Variants in WDHD1 observed in about 807,000 individuals in gnomAD.
WDHD1 encodes WD repeat and HMG-box DNA binding protein 1, also known as WD repeat and HMG-box DNA-binding protein 1.
In WDHD1, 111 loss-of-function variants were observed where a neutral mutation model predicts 135.4. The ratio of observed to expected loss-of-function variants is 0.82; its 90% CI spans 0.70 to 0.96. The LOEUF is 0.96. Among genes scored for constraint, WDHD1 ranks in the 40% least tolerant of loss-of-function variants. The pLI is 0.00. For synonymous variants in WDHD1, 434 were observed against 439.0 expected, an observed-to-expected ratio of 0.99 and a Z score of 0.14; for missense variants, 1,351 against 1,336.3, an observed-to-expected ratio of 1.01 and a Z score of -0.17.
chr14:54,986,395 T>C (rs957166569), intron 14 of WDHD1, among the ~76,000 whole-genome samples: 1 of 152,172 alleles, frequency 6.6e-6, no homozygotes, highest in African/African-American at 2.4e-5. Flanking sequence ...ATTGAACTCC[T>C]GGGCTAAAGC....
At chr14:54,979,661 A>T (rs764189794) in intron 16 of WDHD1, among the ~76,000 whole-genome samples, 5 of 152,216 alleles carry the variant, frequency 3.3e-5, no homozygotes, top group African/African-American at 4.8e-5. Context: ...TTTGTTTAAA[A>T]ATTCAATTTA....
At position 54,938,976 on chromosome 14, in the gene WDHD1, G is replaced by C. The variant is rs537160266; in HGVS notation, c.*2514C>G. 9.7e-4 allele frequency: 148 copies of C among 152,052 alleles called. 1 individual carries two copies. The highest frequency in any genetic ancestry group is 3.4e-3 in the African/African-American group (143 of 41,478). The allele number at this position is 152,052 out of a possible 1,614,324, so 9.4% of individuals were successfully genotyped here. On this transcript the variant is annotated 3_prime_UTR_variant, in exon 26 of 26. Transcript: ENST00000360586. ...ATGCAGAAGAAAATCTTTATTCTTAGGGTACATGCTGGGAACTGAGGGATG... is the reference window on the plus strand; with the variant it reads ...ATGCAGAAGAAAATCTTTATTCTTACGGTACATGCTGGGAACTGAGGGATG...
chr14:55,017,720 T>C (rs1594594436), intron 2 of WDHD1, among the ~76,000 whole-genome samples: 2 of 152,360 alleles, frequency 1.3e-5, no homozygotes, highest in African/African-American at 4.8e-5. Flanking sequence ...CAATTCATGA[T>C]TCTATCCAAA....
At chr14:55,006,087 C>G (rs1238758435) in intron 7 of WDHD1, among the ~76,000 whole-genome samples, 2 of 152,100 alleles carry the variant, frequency 1.3e-5, no homozygotes, top group Non-Finnish European at 2.9e-5. Flanking sequence ...TGGTGTCAAA[C>G]TCCTGAGCTC....
At position 54,989,160 on chromosome 14, in the gene WDHD1, G is replaced by A; in HGVS notation, c.1394C>T (p.Ala465Val). The change falls in exon 13 of 26, where the codon GCC becomes GTC. Residue 465 changes from alanine (A) to valine (V), a missense_variant. Around this residue, in one of 2 missense-constraint regions of WDHD1, gnomAD observed 1,330 missense variants for 1,296.1 expected, o/e 1.03. Transcript: ENST00000360586. ...GGTATCATGGAACTCCACATCTATG[G>A]CATTGTCTTGCTCATCATTATAGCA... Reference protein sequence around the residue: ...IRCYNDEQDNAIDVEFHDTSI... With the variant: ...IRCYNDEQDNVIDVEFHDTSI... 1 of 1,613,588 alleles carries A rather than the reference G, an allele frequency of 6.2e-7. No individual in the cohort carries two copies. The highest frequency in any genetic ancestry group is 8.5e-7 in the Non-Finnish European group (1 of 1,179,752).
At chr14:54,957,384 A>C (rs971046744) in intron 22 of WDHD1, among the ~76,000 whole-genome samples, 180 bp from the exon 23 acceptor site, 4 of 152,218 alleles carry the variant, frequency 2.6e-5, no homozygotes, top group Non-Finnish European at 5.9e-5. Flanking sequence ...CACATCCCCA[A>C]GAAAGACAGA....
intron 2 of WDHD1, among the ~76,000 whole-genome samples, chr14:55,016,045 C>CAA (rs943538959): frequency 1.6e-4 from 25 of 152,166 alleles, no homozygotes; most frequent in African/African-American, 6.0e-4. Context: ...AGGAGACGTA[C>CAA]AAAGTTACAG....
In WDHD1 at chr14:54,940,702, G is replaced by T. The variant is rs1156507044; in HGVS notation, c.*788C>A. 6.6e-6 allele frequency: 1 copy of T among 152,114 alleles called. No homozygotes were observed. The highest frequency in any genetic ancestry group is 1.9e-4 in the East Asian group (1 of 5,202). The allele number at this position is 152,114 out of a possible 1,614,324, so 9.4% of individuals were successfully genotyped here. A position where few individuals can be genotyped will look rare whatever the true frequency, so the allele number is the denominator to read the frequency against. ...AGTACTGTTGATGCTGATAATCAGA[G>T]TATCCCACCAAGAGCACATGATGCC... is the stretch of plus-strand genomic sequence containing the variant. On this transcript the variant is annotated 3_prime_UTR_variant, in exon 26 of 26. Coordinates refer to ENST00000360586, the MANE Select transcript of WDHD1 (RefSeq NM_007086.4).
chr14:54,952,787 AT>A (rs1419131572), intron 24 of WDHD1, among the ~76,000 whole-genome samples: 1 of 152,220 alleles, frequency 6.6e-6, no homozygotes, highest in Non-Finnish European at 1.5e-5. Flanking sequence ...ATACAGACCA[AT>A]GGAACAGAAC....
At chr14:54,948,080 G>A (rs2040962900) in intron 24 of WDHD1, among the ~76,000 whole-genome samples, 1 of 151,918 alleles carries the variant, frequency 6.6e-6, no homozygotes, top group South Asian at 2.1e-4. Flanking sequence ...GCGGTTCCAA[G>A]ATGGTCGAAT....
At chr14:54,981,416 A>T in intron 16 of WDHD1, 124 bp downstream of exon 16, 1 of 881,980 alleles carries the variant, frequency 1.1e-6, no homozygotes, top group Non-Finnish European at 1.7e-6. Flanking sequence ...TTCCTAATTT[A>T]GTGACTATGG....
intron 3 of WDHD1, among the ~76,000 whole-genome samples, chr14:55,010,836 C>T (rs1365953650): frequency 6.6e-6 from 1 of 152,250 alleles, no homozygotes; most frequent in Non-Finnish European, 1.5e-5. Flanking sequence ...AAGGCACGGC[C>T]ACAATGGCCA....
At chr14:54,967,167 G>T in intron 17 of WDHD1, 113 bp downstream of exon 17, 2 of 868,416 alleles carry the variant, frequency 2.3e-6, no homozygotes, top group Non-Finnish European at 3.6e-6. Flanking sequence ...CCCTATTTAT[G>T]TAATTATACA....
chr14:54,957,072 T>C lies in WDHD1; in HGVS notation c.2878A>G (p.Ile960Val), dbSNP rs370647986. 2.5e-6 allele frequency: 4 copies of C among 1,614,032 alleles called. No homozygotes were observed. The highest frequency in any genetic ancestry group is 2.2e-5 in the South Asian group (2 of 91,074). ...GGCTTTGGAATCAGAGGCTTTATAA[T>C]GGGAGACTTTTCATTATTTGTAGTT... is the stretch of plus-strand genomic sequence containing the variant. ...SRTTNNEKSP[I>V]IKPLIPKPKP... The change falls in exon 23 of 26, where the codon ATT (isoleucine) becomes GTT (valine). Residue 960 changes from isoleucine (I) to valine (V), a missense_variant. Ile to Val is a conservative substitution (Grantham distance 29, BLOSUM62 3). This residue lies in a region of WDHD1 where 1,330 missense variants were observed against 1,296.1 expected (regional missense o/e 1.03). Coordinates refer to ENST00000360586, the MANE Select transcript of WDHD1 (RefSeq NM_007086.4).
intron 16 of WDHD1, among the ~76,000 whole-genome samples, chr14:54,970,680 T>C (rs1190867549): frequency 6.6e-6 from 1 of 150,484 alleles, no homozygotes; most frequent in African/African-American, 2.4e-5. Flanking sequence ...CAAAGCAATC[T>C]ATAGATTCAA....
chr14:54,991,110 TA>T, intron 12 of WDHD1, 102 bp downstream of exon 12: 1 of 614,694 alleles, frequency 1.6e-6, no homozygotes, highest in African/African-American at 1.8e-5. Flanking sequence ...CCAGGCTACT[TA>T]ATCAAAGTTT....
chr14:54,947,792 A>T (rs1000219645), intron 24 of WDHD1, among the ~76,000 whole-genome samples: 1 of 151,882 alleles, frequency 6.6e-6, no homozygotes, highest in African/African-American at 2.4e-5. Context: ...GGGTTTCACC[A>T]TGTTGGCCAG....
chr14:54,944,290 G>T, intron 25 of WDHD1, 42 bp downstream of exon 25: 1 of 1,595,214 alleles, frequency 6.3e-7, no homozygotes, highest in Non-Finnish European at 8.5e-7. Context: ...TTTTAAATCT[G>T]GGAATTCACT....
At chr14:55,023,112 C>T (rs1261358514) in intron 2 of WDHD1, among the ~76,000 whole-genome samples, 1 of 152,122 alleles carries the variant, frequency 6.6e-6, no homozygotes, top group Admixed American at 6.5e-5. Context: ...TCACACCCGG[C>T]CATCTTGACA....
Sources: gnomAD v4.1 joint callset for allele counts (sites outside exome capture counted in the v4.1 genomes callset) on GRCh38, gnomAD v4.1.1 for gene constraint, gnomAD v4.1.1 regional missense constraint, MANE v1.5 for transcripts, NCBI Gene and HGNC (gene_info 2026-07-23, HGNC 2026-07-21) for gene names.